Variants in ROBO2 observed in about 807,000 individuals in gnomAD.
The protein encoded by ROBO2 is roundabout guidance receptor 2.
Under a neutral mutation model 160.8 loss-of-function variants are expected in ROBO2, and 53 were observed. The ratio of observed to expected loss-of-function variants is 0.33; its 90% CI spans 0.26 to 0.41. The LOEUF (loss-of-function observed/expected upper bound fraction) is 0.41, where lower values mean the gene tolerates loss of function less well. Ranked by LOEUF, ROBO2 falls within the 10% of genes least tolerant of loss-of-function variation. The pLI is 1.00. For synonymous variants in ROBO2, 664 were observed against 611.7 expected (o/e 1.09, Z -1.26); for missense variants, 1,577 against 1,722.4 (o/e 0.92, Z 1.49).
chr3:76,735,934 C>G (rs958447666), intron 2 of ROBO2, among the ~76,000 whole-genome samples: 12 of 151,780 alleles, frequency 7.9e-5, no homozygotes, highest in African/African-American at 2.9e-4. Flanking sequence ...TTTTATTTAT[C>G]TTATAAATAA....
intron 2 of ROBO2, among the ~76,000 whole-genome samples, chr3:76,021,944 T>C (rs955062209): frequency 1.3e-5 from 2 of 151,598 alleles, no homozygotes; most frequent in African/African-American, 4.8e-5. Context: ...CATGTGATGC[T>C]GTTTGATAGC....
chr3:76,569,283 A>G (rs61021976), intron 2 of ROBO2, among the ~76,000 whole-genome samples: 7,030 of 152,224 alleles, frequency 0.046, 602 homozygotes, highest in African/African-American at 0.16. Flanking sequence ...ACTAGATGTT[A>G]TAGAACATAT....
intron 2 of ROBO2, among the ~76,000 whole-genome samples, chr3:76,757,958 G>T (rs1284149179): frequency 6.6e-6 from 1 of 151,730 alleles, no homozygotes; most frequent in Admixed American, 6.6e-5. Flanking sequence ...GGGAGAACCA[G>T]AGCCTCTAGT....
At chr3:77,588,701 T>C (rs1044716215) in intron 16 of ROBO2, 50 bp from the exon 18 acceptor site, 12 of 1,535,120 alleles carry the variant, frequency 7.8e-6, no homozygotes, top group Middle Eastern at 1.7e-4. Flanking sequence ...TTTATATTCC[T>C]GTGCTTATTT....
intron 2 of ROBO2, among the ~76,000 whole-genome samples, chr3:76,544,601 A>T (rs1338687322): frequency 6.6e-6 from 1 of 152,010 alleles, no homozygotes; most frequent in Non-Finnish European, 1.5e-5. Context: ...ATATTTGTAG[A>T]CTAGTTCTGT....
chr3:76,049,376 A>C, intron 2 of ROBO2, among the ~76,000 whole-genome samples: 1 of 104,876 alleles, frequency 9.5e-6, no homozygotes, highest in African/African-American at 4.8e-5. Flanking sequence ...ACCCCTGGCT[A>C]ATTTTAGTAT....
At chr3:76,606,570 A>G (rs563109285) in intron 2 of ROBO2, among the ~76,000 whole-genome samples, 1 of 152,320 alleles carries the variant, frequency 6.6e-6, no homozygotes, top group South Asian at 2.1e-4. Context: ...CATTATCTAA[A>G]ACAAAGTCAG....
chr3:77,631,641 T>C (rs2095166018), intron 23 of ROBO2: 1 of 152,130 alleles, frequency 6.6e-6, no homozygotes, highest in Admixed American at 6.5e-5. Context: ...AATGACTTGC[T>C]AGAAAATTAA....
At chr3:75,964,332 G>T (rs72888502) in intron 2 of ROBO2, among the ~76,000 whole-genome samples, 7,432 of 151,606 alleles carry the variant, frequency 0.049, 582 homozygotes, top group African/African-American at 0.16. Context: ...TATGGTTGTG[G>T]TTTTTACGTA....
chr3:76,227,914 G>A (rs1478898252), intron 2 of ROBO2, among the ~76,000 whole-genome samples: 1 of 151,974 alleles, frequency 6.6e-6, no homozygotes, highest in Non-Finnish European at 1.5e-5. Flanking sequence ...AAGCCTAACT[G>A]GTTTTAGATT....
At chr3:76,731,836 G>A (rs1401807275) in intron 2 of ROBO2, among the ~76,000 whole-genome samples, 1 of 152,198 alleles carries the variant, frequency 6.6e-6, no homozygotes, top group Non-Finnish European at 1.5e-5. Flanking sequence ...ATTTTGAAAA[G>A]AGAAGATGGG....
intron 2 of ROBO2, among the ~76,000 whole-genome samples, chr3:77,150,780 A>G (rs1048910320): frequency 4.0e-5 from 6 of 151,876 alleles, no homozygotes; most frequent in Non-Finnish European, 7.4e-5. Flanking sequence ...CTTCTTTCTA[A>G]TAATAAGACA....
intron 2 of ROBO2, among the ~76,000 whole-genome samples, chr3:76,173,835 C>T (rs767157861): frequency 8.6e-5 from 13 of 152,016 alleles, no homozygotes; most frequent in Admixed American, 4.6e-4. Context: ...TATTTGCATG[C>T]GTTGTCTTAG....
At position 76,845,872 on chromosome 3, in the gene ROBO2, C is replaced by T. The variant is rs560396172; in HGVS notation, c.110-252142C>T. ...CCTCTGAAGTTCTGGAGATGTCATTCTCCACAACTTATCTGCAAAATTAAT... is the reference window on the plus strand; with the variant it reads ...CCTCTGAAGTTCTGGAGATGTCATTTTCCACAACTTATCTGCAAAATTAAT... On this transcript the variant is annotated intron_variant, in intron 2 of 26. Coordinates refer to the ROBO2 transcript ENST00000487694. Among the ~76,000 whole-genome samples the T allele has an allele frequency of 3.3e-5, 5 of 152,148 alleles. No homozygotes were observed. In the East Asian group the frequency reaches 9.6e-4, roughly 29 times the overall value.
At chr3:76,234,531 C>G (rs1207177327) in intron 2 of ROBO2, among the ~76,000 whole-genome samples, 1 of 152,188 alleles carries the variant, frequency 6.6e-6, no homozygotes, top group Non-Finnish European at 1.5e-5. Context: ...CTCTCCACAA[C>G]CTCACCAGCA....
intron 1 of ROBO2, among the ~76,000 whole-genome samples, chr3:77,047,901 G>A (rs1352705368): frequency 1.3e-5 from 2 of 151,630 alleles, no homozygotes; most frequent in Non-Finnish European, 2.9e-5. Context: ...AAAATAATTA[G>A]CCGGGTGTGG....
intron 2 of ROBO2, among the ~76,000 whole-genome samples, chr3:77,438,748 C>G (rs2079596294): frequency 6.6e-6 from 1 of 151,966 alleles, no homozygotes; most frequent in African/African-American, 2.4e-5. Flanking sequence ...AGGCAACAGG[C>G]AGATTTGACC....
At chr3:77,101,899 G>A (rs2071986293) in intron 2 of ROBO2, among the ~76,000 whole-genome samples, 2 of 152,254 alleles carry the variant, frequency 1.3e-5, no homozygotes, top group East Asian at 3.9e-4. Context: ...ACTTAGCCAG[G>A]TATGGTGGCT....
Position 77,435,294 on chromosome 3 carries a change from C to T in ROBO2, c.389-42120C>T, listed in dbSNP as rs148679362. On this transcript the variant is annotated intron_variant, in intron 2 of 25. Transcript: ENST00000461745. ...TTCTTTCCATATCAGAGATTGTAGA[C>T]GAAAAAAGAAAAAACACCTCCTTTT... Among the ~76,000 whole-genome samples the T allele has an allele frequency of 9.5e-4, 144 of 150,946 alleles. 1 individual carries two copies. Among genetic ancestry groups the T allele is most frequent in the African/African-American group, 3.3e-3 (136 of 41,224 alleles).
Sources: allele counts gnomAD v4.1 joint callset (sites outside exome capture counted in the v4.1 genomes callset), GRCh38; gene constraint gnomAD v4.1.1; transcripts MANE v1.5; gene names NCBI Gene and HGNC (gene_info 2026-07-23, HGNC 2026-07-21).